The following TTN variants were observed in gnomAD, a reference collection of about 807,000 sequenced individuals.
TTN encodes the protein connectin.
Under a neutral mutation model 3,223.0 loss-of-function variants are expected in TTN, and 1,525 were observed. The observed-to-expected ratio is 0.47, with a 90% CI of 0.45 to 0.49. The LOEUF (loss-of-function observed/expected upper bound fraction) is 0.49, where lower values mean the gene tolerates loss of function less well. Ranked by LOEUF, TTN falls within the 20% of genes least tolerant of loss-of-function variation. TTN has a pLI of 0.00. For synonymous variants in TTN, 14,094 were observed against 15,161.0 expected (o/e 0.93, Z 5.17); for missense variants, 40,786 against 43,424.0 (o/e 0.94, Z 5.40).
At position 178,807,206 on chromosome 2, in the gene TTN, G is replaced by C. The variant is rs1244537524; in HGVS notation, c.-14+6C>G. ...TACTATTAAAATAAGAAAAGTTGCT[G>C]CTCACCTGATTTCTCAAGAGTGCCT... On this transcript the variant is annotated splice_donor_region_variant and intron_variant, in intron 1 of 362. Transcript: ENST00000589042. The C allele has an allele frequency of 6.6e-6, 1 of 152,132 alleles. No homozygotes were observed. Among genetic ancestry groups the C allele is most frequent in the Non-Finnish European group, 1.5e-5 (1 of 68,008 alleles). The allele number at this position is 152,132 out of a possible 1,614,324, so 9.4% of individuals were successfully genotyped here. A position where few individuals can be genotyped will look rare whatever the true frequency, so the allele number is the denominator to read the frequency against.
In TTN at chr2:178,560,335, A is replaced by C. The variant is rs1479771122; in HGVS notation, c.85797T>G (p.Arg28599=). 6.2e-7 allele frequency: 1 copy of C among 1,613,638 alleles called. No individual in the cohort carries two copies. ...RREKNSLRWV[R]VNKKPVYDLR... is the part of the protein sequence containing the mutation. ...GATCATAAACTGGTTTTTTGTTTAC[A>C]CGCACCCATCTTAGGCTATTTTTCT... The change falls in exon 326 of 363, where the codon CGT becomes CGG. Residue 28599 remains arginine (R), a synonymous_variant. Transcript: ENST00000589042.
intron 151 of TTN, among the ~76,000 whole-genome samples, chr2:178,674,092 A>G (rs529748044): frequency 2.0e-5 from 3 of 151,968 alleles, no homozygotes; most frequent in Non-Finnish European, 2.9e-5. Context: ...TCAATCGCCA[A>G]TAACAAAATA....
rs374936958 is a variant in TTN, at chr2:178,640,077, G to A, written c.40757C>T (p.Ala13586Val). The A allele has an allele frequency of 4.4e-5, 71 of 1,612,268 alleles. 2 individuals carry two copies. In the South Asian group the frequency reaches 7.5e-4, roughly 17 times the overall value. ...PEIKPAIPLP[A>V]PEPKPKPEAE... ...TTCGGGCTTTGGTTTCGGTTCAGGT[G>A]CAGGGAGAGGTATTGCTGGCTTGAT... Residue 13586 changes from alanine to valine, a missense_variant, in exon 222 of 363, where the codon GCA (alanine) becomes GTA (valine). Ala to Val is a moderately conservative substitution (Grantham distance 64). Coordinates refer to ENST00000589042, the MANE Select transcript of TTN (RefSeq NM_001267550.2).
In TTN at chr2:178,542,876, C is replaced by G; in HGVS notation, c.96978G>C (p.Leu32326=). Residue 32326 remains leucine, a synonymous_variant, in exon 348 of 363, where the codon CTG becomes CTC. Coordinates refer to ENST00000589042, the MANE Select transcript of TTN (RefSeq NM_001267550.2). ...GTGGACGGCCAGCAATAGGTATCAC[C>G]AGCTCTACTGGTCTGCCAGCTGGGA... ...IHVPAGRPVE[L]VIPIAGRPPP... is the part of the protein sequence containing the mutation. 2 of 1,613,760 alleles carry G rather than the reference C, an allele frequency of 1.2e-6. No individual in the cohort carries two copies. Among genetic ancestry groups the G allele is most frequent in the Non-Finnish European group, 1.7e-6 (2 of 1,179,738 alleles).
At position 178,642,130 on chromosome 2, in the gene TTN, T is replaced by C. The variant is rs896897988; in HGVS notation, c.40558+107A>G. 7 of 864,424 alleles carry C rather than the reference T, an allele frequency of 8.1e-6. No homozygotes were observed. In the South Asian group the frequency reaches 1.1e-4, roughly 13 times the overall value. 53.5% of individuals were successfully genotyped at this position (864,424 alleles called of 1,614,324 possible). A position where few individuals can be genotyped will look rare whatever the true frequency, so the allele number is the denominator to read the frequency against. On this transcript the variant is annotated intron_variant, in intron 219 of 362. Transcript: ENST00000589042. ...GAAACTACAAACAAATTTTGATAAA[T>C]AGCGAACCAATTCAAAGAAAACCAA...
In TTN at chr2:178,721,164, C is replaced by G. The variant is rs770870073; in HGVS notation, c.22855G>C (p.Val7619Leu). 24 of 1,605,524 alleles carry G rather than the reference C, an allele frequency of 1.5e-5. No individual in the cohort carries two copies. Among genetic ancestry groups the G allele is most frequent in the Non-Finnish European group, 1.9e-5 (22 of 1,174,020 alleles). ...TGAATGGATTCTCCCTGCTTTGCAA[C>G]TTTTGAAGCTTCTAATTTCTTAACA... Reference protein sequence around the residue: ...KFVKKLEASKVAKQGESIQLE... With the variant: ...KFVKKLEASKLAKQGESIQLE... The change falls in exon 79 of 363, where the codon GTT (valine) becomes CTT (leucine). Residue 7619 changes from valine (V) to leucine (L), a missense_variant. Val to Leu is a conservative substitution (Grantham distance 32, BLOSUM62 1). Transcript: ENST00000589042.
chr2:178,534,986 G>A lies in TTN; in HGVS notation c.101629C>T (p.His33877Tyr), dbSNP rs1690786587. Residue 33877 changes from histidine to tyrosine, a missense_variant, in exon 358 of 363, where the codon CAC becomes TAC. His to Tyr is a moderately conservative substitution (Grantham distance 83). Transcript: ENST00000589042. ...LNIARHRNIL[H>Y]LHESFESMEE... Reference sequence around the variant, plus strand: ...ATGCTTTCAAATGATTCATGGAGGTGTAAGATGTTTCTATGCCTAGCAATA... The same window carrying A: ...ATGCTTTCAAATGATTCATGGAGGTATAAGATGTTTCTATGCCTAGCAATA... 1 of 1,613,620 alleles carries A rather than the reference G, an allele frequency of 6.2e-7. No homozygotes were observed. The highest frequency in any genetic ancestry group is 8.5e-7 in the Non-Finnish European group (1 of 1,179,812).
intron 281 of TTN, among the ~76,000 whole-genome samples, 173 bp downstream of exon 281, chr2:178,604,535 G>A (rs888991701): frequency 1.7e-4 from 26 of 151,896 alleles, no homozygotes; most frequent in African/African-American, 4.1e-4. Flanking sequence ...TGTATCAAAC[G>A]CTATGTACTA....
At position 178,678,433 on chromosome 2, in the gene TTN, C is replaced by T; in HGVS notation, c.33891G>A (p.Val11297=). 6.3e-7 allele frequency: 1 copy of T among 1,593,154 alleles called. No individual in the cohort carries two copies. Among genetic ancestry groups the T allele is most frequent in the Non-Finnish European group, 8.5e-7 (1 of 1,169,602 alleles). The change falls in exon 144 of 363, where the codon GTG becomes GTA. Residue 11297 remains valine (V), a synonymous_variant. Coordinates refer to ENST00000589042, the MANE Select transcript of TTN (RefSeq NM_001267550.2). ...ATGTACCTTTTGCAGGTGGAGCCTC[C>T]ACTTTCTTAGGAGCAGGAACTGGCA... is the stretch of plus-strand genomic sequence containing the variant. The part of the protein sequence containing the change: ...KKVPVPAPKK[V]EAPPAKVPEV...
In TTN at chr2:178,723,689, G is replaced by A; in HGVS notation, c.21411C>T (p.Pro7137=). Reference sequence around the variant, plus strand: ...AAGGTTCAGGTTCTTTCACAAAAGAGGGTGGTTCTATATAGACATGGAGAA... The same window carrying A: ...AAGGTTCAGGTTCTTTCACAAAAGAAGGTGGTTCTATATAGACATGGAGAA... ...CRAVLTVQEP[P]SFVKEPEPLE... The change falls in exon 74 of 363, where the codon CCC becomes CCT. Residue 7137 remains proline (P), a synonymous_variant. Transcript: ENST00000589042. 6.3e-7 allele frequency: 1 copy of A among 1,580,840 alleles called. No homozygotes were observed. Among genetic ancestry groups the A allele is most frequent in the Non-Finnish European group, 8.6e-7 (1 of 1,166,376 alleles).
chr2:178,806,807 G>T lies in TTN; in HGVS notation c.-14+405C>A, dbSNP rs2094338624. Among the ~76,000 whole-genome samples, 3 of 152,186 alleles carry T rather than the reference G, an allele frequency of 2.0e-5. No homozygotes were observed. In the South Asian group the frequency reaches 6.2e-4, roughly 32 times the overall value. On this transcript the variant is annotated intron_variant, in intron 1 of 362. Transcript: ENST00000589042. ...GATTCCCTTAAAAAGTCATCAGGGT[G>T]TAGCTGATACCACATGCATTTTATC...
chr2:178,580,671 C>T, intron 316 of TTN, 62 bp from the exon 317 acceptor site: 1 of 1,469,598 alleles, frequency 6.8e-7, no homozygotes, highest in Non-Finnish European at 9.2e-7. Flanking sequence ...TTTCCAGGGA[C>T]TGGCCTTGTC....
At position 178,532,768 on chromosome 2, in the gene TTN, C is replaced by G. The variant is rs573782418; in HGVS notation, c.103847G>C (p.Arg34616Thr). 6.8e-6 allele frequency: 11 copies of G among 1,613,820 alleles called. No individual in the cohort carries two copies. Among genetic ancestry groups the G allele is most frequent in the Non-Finnish European group, 9.3e-6 (11 of 1,179,876 alleles). ...CAGTTTAGGAATACGCCATTTAGGT[C>G]TGTATTGATCTGTAATGCGTGGAAG... ...MPLPRITDQY[R>T]PKWRIPKLSQ... The change falls in exon 358 of 363, where the codon AGA (arginine) becomes ACA (threonine). Residue 34616 changes from arginine to threonine, a missense_variant. Arg to Thr is a moderately conservative substitution (Grantham distance 71). Transcript: ENST00000589042.
chr2:178,785,681 G>A lies in TTN; in HGVS notation c.2432C>T (p.Thr811Ile), dbSNP rs35813871. The part of the protein sequence containing the change: ...RLVHVDKRPR[T>I]ASPHFTVSKI... ...TGAAACAGTAAAGTGAGGGCTAGCT[G>A]TGCGGGGGCGTTTATCCACATGGAC... Residue 811 changes from threonine to isoleucine, a missense_variant, in exon 15 of 363, where the codon ACA (threonine) becomes ATA (isoleucine). Physicochemically the swap from Thr to Ile is moderately conservative, Grantham distance 89. Transcript: ENST00000589042. The A allele has an allele frequency of 0.21, 338,580 of 1,614,008 alleles. 39,606 individuals are homozygous for A. The highest frequency in any genetic ancestry group is 0.25 in the Middle Eastern group (1,497 of 6,060).
At chr2:178,635,076 T>G in intron 228 of TTN, 89 bp downstream of exon 228, 1 of 1,554,952 alleles carries the variant, frequency 6.4e-7, no homozygotes, top group Non-Finnish European at 8.7e-7. Context: ...TCCATTATTA[T>G]TAAAGCAACC....
intron 270 of TTN, 89 bp from the exon 271 acceptor site, chr2:178,610,478 T>C (rs1219112454): frequency 1.6e-5 from 22 of 1,396,622 alleles, no homozygotes; most frequent in Non-Finnish European, 2.2e-5. Flanking sequence ...TATCTGTATT[T>C]TGGGTAGGAT....
rs865925187 is a variant in TTN at position 178,635,245 on chromosome 2, C to T, written c.41944G>A (p.Ala13982Thr). 1 of 1,613,306 alleles carries T rather than the reference C, an allele frequency of 6.2e-7. No individual in the cohort carries two copies. The highest frequency in any genetic ancestry group is 1.3e-5 in the African/African-American group (1 of 74,998). ...EDVTIYEKES[A>T]SFDAEISEAD... ...TCTGAGATTTCTGCATCAAAGCTTG[C>T]ACTTTCTTTCTCATAAATGGTAACG... The change falls in exon 228 of 363, where the codon GCA becomes ACA. Residue 13982 changes from alanine (A) to threonine (T), a missense_variant. Physicochemically the swap from Ala to Thr is moderately conservative, Grantham distance 58. Transcript: ENST00000589042.
rs376233324 is a variant in TTN at position 178,533,003 on chromosome 2, T to C, written c.103612A>G (p.Met34538Val). 68 of 1,613,834 alleles carry C rather than the reference T, an allele frequency of 4.2e-5. 1 individual carries two copies. The South Asian group carries it at 7.5e-4, about 18-fold the overall frequency. Residue 34538 changes from methionine (M) to valine (V), a missense_variant, in exon 358 of 363, where the codon ATG becomes GTG. Transcript: ENST00000589042. ...CGTGGCTCTGGTACATCATAAGGCA[T>C]CCGGAGTTTTCTCTCCTCCTTCTTT... ...EEKKEERKLR[M>V]PYDVPEPRKY...
Position 178,729,423 on chromosome 2 carries a change from AT to A in TTN, c.18732del (p.Lys6244AsnfsTer4). ...KNNREIRSSK[K>X]YTLTDRVSVF... Reference sequence around the variant, plus strand: ...ACAGACACTCTGTCGGTCAATGTGTATTTTTTGCTGCTTCGAATTTCCCTGT... The same window carrying A: ...ACAGACACTCTGTCGGTCAATGTGTATTTTTGCTGCTTCGAATTTCCCTGT... On this transcript the variant is annotated frameshift_variant, in exon 64 of 363. Coordinates refer to ENST00000589042, the MANE Select transcript of TTN (RefSeq NM_001267550.2). LOFTEE classifies it high-confidence loss of function. 1.2e-6 allele frequency: 2 copies of A among 1,613,548 alleles called. No homozygotes were observed. The highest frequency in any genetic ancestry group is 2.2e-5 in the South Asian group (2 of 91,076).
Sources: gnomAD v4.1 joint callset for allele counts (sites outside exome capture counted in the v4.1 genomes callset) on GRCh38, gnomAD v4.1.1 for gene constraint, MANE v1.5 for transcripts, NCBI Gene and HGNC (gene_info 2026-07-23, HGNC 2026-07-21) for gene names.